The following HDAC5 variants were observed in gnomAD, a reference collection of about 807,000 sequenced individuals.
HDAC5 encodes histone deacetylase 5.
HDAC5 carries 25 observed loss-of-function variants against 133.3 expected under a neutral mutation model. The observed-to-expected ratio is 0.19, with a 90% confidence interval of 0.14 to 0.26. The LOEUF is 0.26. Ranked by LOEUF, HDAC5 falls within the 10% of genes least tolerant of loss-of-function variation. The pLI is 1.00. For synonymous variants in HDAC5, 589 were observed against 610.8 expected, an observed-to-expected ratio of 0.96 and a Z score of 0.53; for missense variants, 1,041 against 1,460.5, an observed-to-expected ratio of 0.71 and a Z score of 4.68.
rs1197575583 is a variant in HDAC5 at position 44,087,638 on chromosome 17, T to C, written c.1658A>G (p.Glu553Gly). The C allele has an allele frequency of 6.2e-7, 1 of 1,613,078 alleles. No individual in the cohort carries two copies. The highest frequency in any genetic ancestry group is 1.3e-5 in the African/African-American group (1 of 74,926). Residue 553 changes from glutamate to glycine, a missense_variant, in exon 13 of 27, where the codon GAG becomes GGG. Physicochemically the swap from Glu to Gly is moderately conservative, Grantham distance 98 (BLOSUM62 -2). Transcript: ENST00000682912. The stretch of plus-strand genomic sequence containing the variant: ...CTCCTGCTGCTCCGTCAGCTCCTCC[T>C]CTGTCTCCTCAGGGTGGGTGGTGGG... ...RQPTTHPEET[E>G]EELTEQQEVL...
chr17:44,123,445 G>A, intron 1 of HDAC5, 59 bp downstream of exon 1: 1 of 362,062 alleles, frequency 2.8e-6, no homozygotes, highest in Non-Finnish European at 4.9e-6. Context: ...AGGAGGGGGC[G>A]CCGCCTCGCG....
chr17:44,099,330 A>AAC (rs1466729037), intron 3 of HDAC5, among the ~76,000 whole-genome samples: 2 of 152,024 alleles, frequency 1.3e-5, no homozygotes, highest in Non-Finnish European at 2.9e-5. Context: ...CAGCACTGAG[A>AAC]ACCTTCCTTC....
chr17:44,079,353 GAA>G, intron 23 of HDAC5, 76 bp from the exon 24 acceptor site: 2 of 1,497,656 alleles, frequency 1.3e-6, no homozygotes, highest in East Asian at 2.3e-5. Flanking sequence ...TAAGAGGAGA[GAA>G]AAAAGGCCAG....
At chr17:44,107,840 C>A (rs1469907371) in intron 3 of HDAC5, among the ~76,000 whole-genome samples, 2 of 152,122 alleles carry the variant, frequency 1.3e-5, no homozygotes, top group Non-Finnish European at 2.9e-5. Context: ...CATAGCATTC[C>A]TTCCTGGCAC....
intron 23 of HDAC5, chr17:44,079,485 C>A (rs186096453): frequency 2.7e-5 from 13 of 489,688 alleles, no homozygotes; most frequent in African/African-American, 3.9e-5. Flanking sequence ...ACTAAAAATA[C>A]AATAATTAGC....
chr17:44,084,909 C>T (rs185794483), intron 15 of HDAC5, 113 bp downstream of exon 15: 21 of 1,423,566 alleles, frequency 1.5e-5, no homozygotes, highest in African/African-American at 1.1e-4. Context: ...GAACTGGCCC[C>T]GAAGTCTGGG....
intron 24 of HDAC5, 25 bp downstream of exon 24, chr17:44,079,119 C>A (rs370415772): frequency 1.1e-5 from 18 of 1,600,888 alleles, no homozygotes; most frequent in African/African-American, 8.0e-5. Flanking sequence ...GGCCTGCCAC[C>A]TCCCAGCTCC....
intron 20 of HDAC5, 58 bp downstream of exon 20, chr17:44,082,527 G>A (rs1349917594): frequency 7.3e-7 from 1 of 1,366,778 alleles, no homozygotes; most frequent in East Asian, 2.3e-5. Context: ...CTTCCTGAAG[G>A]CTGACCCTGG....
intron 3 of HDAC5, among the ~76,000 whole-genome samples, chr17:44,108,751 C>CAAAAAAAA (rs773575696): frequency 7.0e-5 from 4 of 56,942 alleles, no homozygotes; most frequent in African/African-American, 2.2e-4. Context: ...TTCCAGAGTC[C>CAAAAAAAA]AAAAAAAAAA....
At chr17:44,114,296 G>T (rs2052514616) in intron 2 of HDAC5, among the ~76,000 whole-genome samples, 1 of 152,230 alleles carries the variant, frequency 6.6e-6, no homozygotes, top group South Asian at 2.1e-4. Context: ...CCCATGCCAG[G>T]ATTGACCCAC....
At chr17:44,092,828 G>GGGGGGGGGGGGGGGGGGGC in intron 6 of HDAC5, 22 bp from the exon 7 acceptor site, 1 of 596,642 alleles carries the variant, frequency 1.7e-6, no homozygotes, top group Non-Finnish European at 2.9e-6. Context: ...GGGGGGTGGG[G>GGGGGGGGGGGGGGGGGGGC]ATGGAAGCAG....
At chr17:44,107,882 A>G (rs1340682425) in intron 3 of HDAC5, among the ~76,000 whole-genome samples, 1 of 152,130 alleles carries the variant, frequency 6.6e-6, no homozygotes, top group Non-Finnish European at 1.5e-5. Flanking sequence ...TCCATGGGAA[A>G]AGCAGACTCC....
chr17:44,085,860 T>TCA (rs978773386), intron 14 of HDAC5, among the ~76,000 whole-genome samples: 1 of 152,004 alleles, frequency 6.6e-6, no homozygotes, highest in African/African-American at 2.4e-5. Flanking sequence ...CACGTTGGTC[T>TCA]CAAACTCCTG....
intron 3 of HDAC5, among the ~76,000 whole-genome samples, chr17:44,095,614 T>C (rs550765312): frequency 5.3e-5 from 8 of 152,054 alleles, no homozygotes; most frequent in Non-Finnish European, 8.8e-5. Flanking sequence ...ACTCGCTTCC[T>C]TTGCTGGATT....
At chr17:44,098,872 T>C (rs2051420969) in intron 3 of HDAC5, among the ~76,000 whole-genome samples, 1 of 151,084 alleles carries the variant, frequency 6.6e-6, no homozygotes, top group African/African-American at 2.4e-5. Flanking sequence ...ATCCCAGCAT[T>C]TTGGGAGTCC....
intron 3 of HDAC5, among the ~76,000 whole-genome samples, chr17:44,105,609 C>T (rs1310532564): frequency 6.6e-6 from 1 of 152,212 alleles, no homozygotes; most frequent in Non-Finnish European, 1.5e-5. Flanking sequence ...GCAGGGCACC[C>T]TGCCCACCTG....
intron 2 of HDAC5, among the ~76,000 whole-genome samples, chr17:44,112,254 T>C (rs765039837): frequency 1.6e-4 from 24 of 152,112 alleles, no homozygotes; most frequent in Non-Finnish European, 2.8e-4. Context: ...CATCCAGCCA[T>C]TACCCACCAG....
At chr17:44,106,458 C>T (rs1394311922) in intron 3 of HDAC5, among the ~76,000 whole-genome samples, 2 of 152,192 alleles carry the variant, frequency 1.3e-5, no homozygotes, top group Admixed American at 1.3e-4. Flanking sequence ...TGGCATATTG[C>T]ACATGGGCTC....
intron 3 of HDAC5, among the ~76,000 whole-genome samples, chr17:44,096,058 C>G: frequency 6.6e-6 from 1 of 152,128 alleles, no homozygotes; most frequent in East Asian, 1.9e-4. Flanking sequence ...CATGTCACTC[C>G]TCACCACTGC....
Sources: gnomAD v4.1 joint callset for allele counts (sites outside exome capture counted in the v4.1 genomes callset) on GRCh38, gnomAD v4.1.1 for gene constraint, MANE v1.5 for transcripts, NCBI Gene and HGNC (gene_info 2026-07-23, HGNC 2026-07-21) for gene names.